FUT8: variants seen among roughly 807,000 people sequenced by gnomAD.
FUT8 encodes the protein alpha-(1,6)-fucosyltransferase.
In FUT8, 29 loss-of-function variants were observed where a neutral mutation model predicts 71.3. The ratio of observed to expected loss-of-function variants is 0.41; its 90% CI spans 0.30 to 0.55. FUT8 has a LOEUF of 0.55. Among genes scored for constraint, FUT8 ranks in the 20% least tolerant of loss-of-function variants. The pLI is 0.34. For missense variants in FUT8, 544 were observed against 702.1 expected (o/e 0.77, Z 2.55); for synonymous variants, 254 against 239.3 (o/e 1.06, Z -0.57).
At chr14:65,452,163 A>G (rs1049691060) in intron 1 of FUT8, among the ~76,000 whole-genome samples, 2 of 152,140 alleles carry the variant, frequency 1.3e-5, no homozygotes, top group Admixed American at 1.3e-4. Flanking sequence ...AGGATAACTT[A>G]TTGACATATA....
chr14:65,381,764 ACTT>A, the FUT8 span, among the ~76,000 whole-genome samples: 1 of 152,072 alleles, frequency 6.6e-6, no homozygotes, highest in South Asian at 2.1e-4. Flanking sequence ...TCTTCCAATA[ACTT>A]CTTCTCTACT....
At chr14:65,654,774 A>G (rs11627185) in intron 6 of FUT8, among the ~76,000 whole-genome samples, 54,408 of 151,980 alleles carry the variant, frequency 0.36, 11,943 homozygotes, top group Non-Finnish European at 0.5. Flanking sequence ...AAAAAACAAT[A>G]AAGTGGCGTA....
rs1884752969 is a variant in FUT8, at chr14:65,542,790, A to T, written c.-227-18547A>T. Among the ~76,000 whole-genome samples the T allele has an allele frequency of 2.0e-5, 3 of 150,470 alleles. No individual in the cohort carries two copies. The South Asian group carries it at 6.3e-4, about 32-fold the overall frequency. On this transcript the variant is annotated intron_variant, in intron 2 of 10. Coordinates refer to ENST00000673929, the MANE Select transcript of FUT8 (RefSeq NM_001371533.1). Reference sequence around the variant, plus strand: ...TGTTGTATATGACTAGGAATTTTTTATTTTTTTTTGAGACGGAGTTTTGCT... The same window carrying T: ...TGTTGTATATGACTAGGAATTTTTTTTTTTTTTTTGAGACGGAGTTTTGCT...
intron 7 of FUT8, among the ~76,000 whole-genome samples, chr14:65,673,117 A>G (rs1892550656): frequency 6.6e-6 from 1 of 152,236 alleles, no homozygotes; most frequent in African/African-American, 2.4e-5. Context: ...TATAAATACG[A>G]TAAAGTTTGA....
At position 65,667,987 on chromosome 14, in the gene FUT8, C is replaced by T. The variant is rs551079936; in HGVS notation, c.598-1256C>T. 4.6e-5 allele frequency among the ~76,000 whole-genome samples: 7 copies of T among 152,170 alleles called. No homozygotes were observed. In the South Asian group the frequency reaches 1.2e-3, roughly 27 times the overall value. ...AGCCAAGGAGAAAGGACTCCCTATT[C>T]AATAAATTGTGCTGGGATAACTGGT... On this transcript the variant is annotated intron_variant, in intron 6 of 10. Transcript: ENST00000673929.
the FUT8 span, among the ~76,000 whole-genome samples, chr14:65,374,727 T>C: frequency 6.6e-6 from 1 of 151,990 alleles, no homozygotes; most frequent in South Asian, 2.1e-4. Flanking sequence ...CCCAAGTAGC[T>C]GGGACTACAA....
the FUT8 span, among the ~76,000 whole-genome samples, chr14:65,358,570 C>T: frequency 1.3e-5 from 2 of 151,990 alleles, no homozygotes; most frequent in Admixed American, 6.6e-5. Context: ...CCTCCTACTT[C>T]GGTCTACAGA....
intron 5 of FUT8, chr14:65,617,005 G>A (rs1889319093): frequency 6.9e-7 from 1 of 1,446,536 alleles, no homozygotes; most frequent in African/African-American, 1.5e-5. Context: ...TATTCATGCA[G>A]AACAAAATGT....
upstream of FUT8, among the ~76,000 whole-genome samples, chr14:65,407,409 CT>C (rs1044467418): frequency 2.0e-5 from 3 of 151,936 alleles, no homozygotes; most frequent in Non-Finnish European, 4.4e-5. Context: ...ACAGATAATA[CT>C]TTTTTTTCTG....
chr14:65,517,665 G>T (rs1278595730), intron 2 of FUT8, among the ~76,000 whole-genome samples: 1 of 152,062 alleles, frequency 6.6e-6, no homozygotes, highest in African/African-American at 2.4e-5. Context: ...CTTCTCCATG[G>T]ACCTTATCTT....
intron 6 of FUT8, among the ~76,000 whole-genome samples, chr14:65,662,792 A>G (rs1032053197): frequency 5.3e-5 from 8 of 152,034 alleles, no homozygotes; most frequent in East Asian, 1.9e-4. Flanking sequence ...AAACTAACCA[A>G]TTGAAACCAA....
At chr14:65,601,544 T>G (rs1250298738) in intron 3 of FUT8, among the ~76,000 whole-genome samples, 1 of 152,220 alleles carries the variant, frequency 6.6e-6, no homozygotes, top group Non-Finnish European at 1.5e-5. Context: ...CTTTATAGAT[T>G]GTTTAAAAAA....
At chr14:65,390,646 A>G in the FUT8 span, among the ~76,000 whole-genome samples, 1 of 151,936 alleles carries the variant, frequency 6.6e-6, no homozygotes, top group Non-Finnish European at 1.5e-5. Flanking sequence ...TATTTAAAGG[A>G]GGCAAACCAC....
intron 1 of FUT8, among the ~76,000 whole-genome samples, chr14:65,422,145 G>A (rs1456287133): frequency 1.3e-5 from 2 of 152,106 alleles, no homozygotes; most frequent in Non-Finnish European, 2.9e-5. Context: ...AATAATAAAA[G>A]AACTTACAGG....
At chr14:65,362,941 A>T in the FUT8 span, among the ~76,000 whole-genome samples, 1 of 125,372 alleles carries the variant, frequency 8.0e-6, no homozygotes, top group African/African-American at 3.0e-5. Flanking sequence ...CAGCCTGGGC[A>T]ACAGAGCAAG....
chr14:65,490,045 G>A (rs2066461054), intron 2 of FUT8, among the ~76,000 whole-genome samples: 3 of 151,976 alleles, frequency 2.0e-5, no homozygotes, highest in Admixed American at 2.0e-4. Flanking sequence ...AAATTCTTCT[G>A]TTCATTAAAC....
At chr14:65,710,198 A>C (rs1020544092) in intron 7 of FUT8, among the ~76,000 whole-genome samples, 3 of 152,164 alleles carry the variant, frequency 2.0e-5, no homozygotes, top group African/African-American at 4.8e-5. Context: ...ACATCTATAA[A>C]AGAAACTCAT....
At chr14:65,512,052 A>G (rs1488609146) in intron 2 of FUT8, among the ~76,000 whole-genome samples, 1 of 152,230 alleles carries the variant, frequency 6.6e-6, no homozygotes. Context: ...TATTGCTTCT[A>G]GGCTACAAGC....
chr14:65,718,880 T>C (rs1204281899), intron 7 of FUT8, among the ~76,000 whole-genome samples: 2 of 152,246 alleles, frequency 1.3e-5, no homozygotes, highest in African/African-American at 2.4e-5. Flanking sequence ...TTTTGCTGCT[T>C]TTAGGATCCT....
Sources: allele counts gnomAD v4.1 joint callset (sites outside exome capture counted in the v4.1 genomes callset), GRCh38; gene constraint gnomAD v4.1.1; transcripts MANE v1.5; gene names NCBI Gene and HGNC (gene_info 2026-07-23, HGNC 2026-07-21).